Variants in PDS5A observed in about 807,000 individuals in gnomAD.
PDS5A encodes sister chromatid cohesion protein PDS5 homolog A.
PDS5A carries 42 observed loss-of-function variants against 167.1 expected under a neutral mutation model. The ratio of observed to expected loss-of-function variants is 0.25; its 90% confidence interval spans 0.20 to 0.33. The LOEUF is 0.33. PDS5A is among the 10% of genes least tolerant of loss of function. The pLI is 1.00. For missense variants in PDS5A, 1,033 were observed against 1,605.9 expected, an observed-to-expected ratio of 0.64 and a Z score of 6.10; for synonymous variants, 553 against 554.6, an observed-to-expected ratio of 1.00 and a Z score of 0.04.
Position 39,913,664 on chromosome 4 carries a change from T to C in PDS5A, c.939A>G (p.Lys313=). 1 of 1,612,750 alleles carries C rather than the reference T, an allele frequency of 6.2e-7. No individual in the cohort carries two copies. Residue 313 remains lysine (K), a synonymous_variant, in exon 9 of 33, where the codon AAA becomes AAG. Transcript: ENST00000303538. ...VRLLAKLFGS[K]DSDLATQNRP... is the part of the protein sequence containing the mutation. ...GATTCTGTGTTGCCAAATCAGAATC[T>C]TTGGAGCCAAACAATTTAGCTAGAA...
At chr4:39,937,835 C>T (rs983883097) in intron 2 of PDS5A, among the ~76,000 whole-genome samples, 16 of 152,238 alleles carry the variant, frequency 1.1e-4, no homozygotes, top group Non-Finnish European at 2.9e-5. Context: ...AATGATTCAA[C>T]AATTTCACCT....
chr4:39,974,894 C>T (rs1006435767), intron 2 of PDS5A, among the ~76,000 whole-genome samples: 2 of 151,982 alleles, frequency 1.3e-5, no homozygotes, highest in South Asian at 2.1e-4. Flanking sequence ...GCAGATCATT[C>T]GAAGTCAGGA....
chr4:39,868,731 A>C (rs1013393006), intron 22 of PDS5A: 3 of 453,914 alleles, frequency 6.6e-6, no homozygotes, highest in Admixed American at 4.7e-5. Flanking sequence ...CTGCCTCCCA[A>C]AGTGCTGGGA....
intron 5 of PDS5A, among the ~76,000 whole-genome samples, chr4:39,924,748 T>G (rs73129439): frequency 0.02 from 2,975 of 152,340 alleles, 92 homozygotes; most frequent in African/African-American, 0.067. Context: ...AGAAAACTTA[T>G]GTGAGGTATG....
At chr4:39,921,273 C>G (rs1186531528) in intron 6 of PDS5A, among the ~76,000 whole-genome samples, 1 of 152,144 alleles carries the variant, frequency 6.6e-6, no homozygotes, top group East Asian at 1.9e-4. Context: ...TGGCTGTGTT[C>G]CAATAAAATC....
intron 17 of PDS5A, among the ~76,000 whole-genome samples, chr4:39,880,969 GCTT>G (rs377545174): frequency 2.3e-3 from 355 of 151,386 alleles, no homozygotes; most frequent in African/African-American, 8.4e-3. Context: ...ACCTTTTCCA[GCTT>G]CTTGTTTCCT....
intron 12 of PDS5A, among the ~76,000 whole-genome samples, chr4:39,903,087 A>G (rs1723017043): frequency 6.6e-6 from 1 of 152,230 alleles, no homozygotes; most frequent in African/African-American, 2.4e-5. Context: ...TCTAGAACAA[A>G]AGCAAATTCA....
Position 39,972,788 on chromosome 4 carries a change from T to C in PDS5A, c.138+3652A>G, listed in dbSNP as rs537378879. ...TGTTACTTAAAACAGAACTGATATT[T>C]TGAGCTATTCCACAGTAAAGATTAC... is the stretch of plus-strand genomic sequence containing the variant. On this transcript the variant is annotated intron_variant, in intron 2 of 32. Coordinates refer to ENST00000303538, the MANE Select transcript of PDS5A (RefSeq NM_001100399.2). 1.7e-4 allele frequency among the ~76,000 whole-genome samples: 26 copies of C among 151,880 alleles called. 1 individual carries two copies. The highest frequency in any genetic ancestry group is 1.5e-3 in the Admixed American group (23 of 15,240).
intron 2 of PDS5A, among the ~76,000 whole-genome samples, chr4:39,959,290 T>C (rs1359683516): frequency 6.6e-6 from 1 of 152,182 alleles, no homozygotes; most frequent in East Asian, 1.9e-4. Context: ...GTGTTAAATG[T>C]TTATCTCTTT....
chr4:39,905,875 G>A (rs1369345331), intron 11 of PDS5A, among the ~76,000 whole-genome samples: 1 of 151,818 alleles, frequency 6.6e-6, no homozygotes, highest in Non-Finnish European at 1.5e-5. Flanking sequence ...AGGAAAGGAG[G>A]CAGGGAGAAA....
At position 39,823,831 on chromosome 4, in the gene PDS5A, T is replaced by C. The variant is rs1039588138; in HGVS notation, c.*1654A>G. The stretch of plus-strand genomic sequence containing the variant: ...TGTGTAAATGCATATTTAAAATAAT[T>C]ACCCATCTTTCAGTCAATACACAGC... On this transcript the variant is annotated 3_prime_UTR_variant, in exon 33 of 33. Transcript: ENST00000303538. 2 of 152,642 alleles carry C rather than the reference T, an allele frequency of 1.3e-5. No individual in the cohort carries two copies. The highest frequency in any genetic ancestry group is 4.8e-5 in the African/African-American group (2 of 41,460). 9.5% of individuals were successfully genotyped at this position (152,642 alleles called of 1,614,324 possible).
At chr4:39,958,542 C>T (rs1347013976) in intron 2 of PDS5A, among the ~76,000 whole-genome samples, 2 of 149,360 alleles carry the variant, frequency 1.3e-5, no homozygotes, top group Non-Finnish European at 3.0e-5. Flanking sequence ...TAGGGAATTA[C>T]CTAAGCCTTA....
intron 3 of PDS5A, among the ~76,000 whole-genome samples, chr4:39,927,260 G>C (rs913309843): frequency 6.6e-6 from 1 of 152,038 alleles, no homozygotes; most frequent in Admixed American, 6.6e-5. Context: ...GTAATTTTTA[G>C]CCAATGTTTT....
intron 32 of PDS5A, among the ~76,000 whole-genome samples, chr4:39,825,789 C>A (rs965788775): frequency 6.6e-6 from 1 of 151,958 alleles, no homozygotes; most frequent in South Asian, 2.1e-4. Flanking sequence ...TTTGTACAGA[C>A]GGGATCTCAT....
intron 23 of PDS5A, among the ~76,000 whole-genome samples, chr4:39,865,475 G>A (rs972719819): frequency 7.9e-5 from 12 of 152,166 alleles, no homozygotes; most frequent in African/African-American, 2.7e-4. Context: ...GATTGCTTGA[G>A]CCCAGCTAGC....
chr4:39,972,532 AATAAATAAAAAAT>A (rs538583500), intron 2 of PDS5A, among the ~76,000 whole-genome samples: 54 of 152,158 alleles, frequency 3.5e-4, no homozygotes, highest in Non-Finnish European at 6.0e-4. Flanking sequence ...AAAATAAATA[AATAAATAAAAAAT>A]AAAAATAAAA....
At chr4:39,863,553 C>A in intron 23 of PDS5A, 94 bp from the exon 24 acceptor site, 1 of 795,040 alleles carries the variant, frequency 1.3e-6, no homozygotes, top group Non-Finnish European at 1.9e-6. Context: ...GTCCTTAGAG[C>A]ATAATTTATG....
intron 31 of PDS5A, among the ~76,000 whole-genome samples, chr4:39,838,980 C>T (rs935400580): frequency 3.3e-5 from 5 of 151,924 alleles, no homozygotes; most frequent in African/African-American, 1.2e-4. Flanking sequence ...AAGAGCAAAA[C>T]TCTGTCTTGG....
intron 28 of PDS5A, chr4:39,847,232 T>C (rs2109509674): frequency 6.6e-6 from 1 of 152,314 alleles, no homozygotes; most frequent in African/African-American, 2.4e-5. Flanking sequence ...TCACCACTGT[T>C]ACATAGATTC....
Sources: gnomAD v4.1 joint callset for allele counts (sites outside exome capture counted in the v4.1 genomes callset) on GRCh38, gnomAD v4.1.1 for gene constraint, MANE v1.5 for transcripts, NCBI Gene and HGNC (gene_info 2026-07-23, HGNC 2026-07-21) for gene names.